Variants in ADGRL2 observed in about 807,000 individuals in gnomAD.
The protein encoded by ADGRL2 is adhesion G protein-coupled receptor L2.
In ADGRL2, 44 loss-of-function variants were observed where a neutral mutation model predicts 157.4. The observed-to-expected ratio is 0.28, with a 90% CI of 0.22 to 0.36. The LOEUF (loss-of-function observed/expected upper bound fraction) is 0.36, where lower values mean the gene tolerates loss of function less well. Among genes scored for constraint, ADGRL2 ranks in the 10% least tolerant of loss-of-function variants. The pLI is 1.00. For missense variants in ADGRL2, 1,510 were observed against 1,768.9 expected (o/e 0.85, Z 2.63); for synonymous variants, 585 against 624.7 (o/e 0.94, Z 0.95).
At chr1:81,439,687 G>A (rs959325448) in intron 1 of ADGRL2, among the ~76,000 whole-genome samples, 1 of 152,232 alleles carries the variant, frequency 6.6e-6, no homozygotes, top group Non-Finnish European at 1.5e-5. Flanking sequence ...AAGCCCCAGA[G>A]GAGGTTTTAC....
intron 2 of ADGRL2, among the ~76,000 whole-genome samples, chr1:81,880,585 G>A (rs562229109): frequency 6.6e-6 from 1 of 152,212 alleles, no homozygotes; most frequent in East Asian, 1.9e-4. Flanking sequence ...TCCCTTTACA[G>A]TTGAATTCGA....
chr1:81,724,460 G>A (rs1296218425), intron 1 of ADGRL2, among the ~76,000 whole-genome samples: 1 of 152,114 alleles, frequency 6.6e-6, no homozygotes, highest in Admixed American at 6.5e-5. Context: ...TGGAGTTGTT[G>A]AGACTATGAA....
At chr1:81,739,152 C>T (rs2084993699) in intron 1 of ADGRL2, among the ~76,000 whole-genome samples, 1 of 152,196 alleles carries the variant, frequency 6.6e-6, no homozygotes, top group African/African-American at 2.4e-5. Flanking sequence ...CAACTTTAGA[C>T]AAGAGTTGAA....
At chr1:81,921,561 A>G (rs1243895900) in intron 3 of ADGRL2, among the ~76,000 whole-genome samples, 1 of 152,196 alleles carries the variant, frequency 6.6e-6, no homozygotes, top group African/African-American at 2.4e-5. Flanking sequence ...GCTTCACAGC[A>G]CACGGCCCTC....
chr1:81,770,899 C>G (rs922592637), intron 2 of ADGRL2, among the ~76,000 whole-genome samples: 3 of 152,172 alleles, frequency 2.0e-5, no homozygotes, highest in African/African-American at 4.8e-5. Context: ...GAATTTGTTT[C>G]CATACATAGA....
At chr1:81,602,790 C>CG (rs538501193) in intron 3 of ADGRL2, among the ~76,000 whole-genome samples, 100 of 147,516 alleles carry the variant, frequency 6.8e-4, no homozygotes, top group African/African-American at 2.3e-3. Context: ...CCCAGCTACT[C>CG]GGGGGGCTGA....
At chr1:81,901,166 A>G (rs535640340) in intron 2 of ADGRL2, among the ~76,000 whole-genome samples, 84 of 152,310 alleles carry the variant, frequency 5.5e-4, no homozygotes, top group Admixed American at 1.1e-3. Flanking sequence ...TGATCCATAA[A>G]ATAGAAATTG....
chr1:81,431,582 A>G (rs2077321765), intron 1 of ADGRL2, among the ~76,000 whole-genome samples: 1 of 152,226 alleles, frequency 6.6e-6, no homozygotes, highest in African/African-American at 2.4e-5. Context: ...TTAAAATGCA[A>G]AACCACATTC....
rs114709236 is a variant in ADGRL2, at chr1:81,638,249, A to G, written c.-143+57269A>G. On this transcript the variant is annotated intron_variant, in intron 3 of 24. Transcript: ENST00000370721. ...CTTTGGCAAACAATAATAGAAGGAA[A>G]TTGTTACCATTAGACCTGCCTTGCA... 5.8e-3 allele frequency among the ~76,000 whole-genome samples: 889 copies of G among 152,334 alleles called. 8 individuals are homozygous for G. The highest frequency in any genetic ancestry group is 0.02 in the African/African-American group (818 of 41,574).
chr1:81,476,325 GTCTAAGTAAAGCTGCAAAAATA>G (rs1238932268), intron 2 of ADGRL2, among the ~76,000 whole-genome samples: 1 of 152,134 alleles, frequency 6.6e-6, no homozygotes, highest in Non-Finnish European at 1.5e-5. Flanking sequence ...TGGTGAGGTA[GTCTAAGTAAAGCTGCAAAAATA>G]TCTAAGTAAA....
intron 1 of ADGRL2, among the ~76,000 whole-genome samples, 82 bp downstream of exon 1, chr1:81,801,150 A>G (rs2088026700): frequency 1.3e-5 from 2 of 152,156 alleles, no homozygotes; most frequent in African/African-American, 4.8e-5. Context: ...GAAAACGGCC[A>G]TTGGGCGACA....
Position 81,943,839 on chromosome 1 carries a change from AT to A in ADGRL2, c.1210+79del, listed in dbSNP as rs895288478. 8.4e-5 allele frequency: 105 copies of A among 1,246,088 alleles called. No homozygotes were observed. Among genetic ancestry groups the A allele is most frequent in the African/African-American group, 1.4e-4 (9 of 65,748 alleles). The allele number at this position is 1,246,088 out of a possible 1,614,324, so 77.2% of individuals were successfully genotyped here. ...CATTTTTCTTTTTAAAGACTTCTTA[AT>A]TTTTTTTTCCTATTTTCTTCCCCTT... is the stretch of plus-strand genomic sequence containing the variant. On this transcript the variant is annotated intron_variant, in intron 6 of 23. Coordinates refer to ENST00000686636, the MANE Select transcript of ADGRL2 (RefSeq NM_001366006.2). The surrounding 1 kb of genome is among the most constrained non-coding windows in gnomAD (Gnocchi z 5.6).
chr1:81,544,703 T>A (rs866384267), intron 2 of ADGRL2, among the ~76,000 whole-genome samples: 1 of 152,164 alleles, frequency 6.6e-6, no homozygotes, highest in Non-Finnish European at 1.5e-5. Flanking sequence ...CTGCCAGTAA[T>A]CCTACAGGGG....
chr1:81,940,921 G>T (rs1299158299), intron 4 of ADGRL2, among the ~76,000 whole-genome samples: 1 of 131,724 alleles, frequency 7.6e-6, no homozygotes, highest in African/African-American at 2.9e-5. Context: ...TCTGTTTCTT[G>T]AAACTGTAGG....
chr1:81,966,309 A>C lies in ADGRL2; in HGVS notation c.2144-95A>C, dbSNP rs1446064100. On this transcript the variant is annotated intron_variant, in intron 12 of 23. Transcript: ENST00000686636. Reference sequence around the variant, plus strand: ...TACCATTTAAAAGCAGATATAAAACAGTGCCTTAGGACTTCATCATTTTAT... The same window carrying C: ...TACCATTTAAAAGCAGATATAAAACCGTGCCTTAGGACTTCATCATTTTAT... 9 of 1,508,500 alleles carry C rather than the reference A, an allele frequency of 6.0e-6. No individual in the cohort carries two copies. The Admixed American group carries it at 1.4e-4, about 24-fold the overall frequency. 93.4% of individuals were successfully genotyped at this position (1,508,500 alleles called of 1,614,324 possible).
intron 1 of ADGRL2, among the ~76,000 whole-genome samples, chr1:81,385,877 A>G (rs1056963017): frequency 1.3e-5 from 2 of 152,132 alleles, no homozygotes; most frequent in African/African-American, 4.8e-5. Context: ...ACTCAAGAAG[A>G]TCCCTGAAAT....
At chr1:81,897,226 A>G (rs1220996007) in intron 2 of ADGRL2, among the ~76,000 whole-genome samples, 4 of 152,128 alleles carry the variant, frequency 2.6e-5, no homozygotes, top group Non-Finnish European at 5.9e-5. Context: ...TCCTGTGCGG[A>G]GGAGATAGTT....
intron 19 of ADGRL2, among the ~76,000 whole-genome samples, chr1:81,982,456 G>GT (rs1267323820): frequency 6.6e-6 from 1 of 151,952 alleles, no homozygotes; most frequent in Non-Finnish European, 1.5e-5. Flanking sequence ...CTTACTTACT[G>GT]TTTTTTCCTG....
rs1173308987 is a variant in ADGRL2, at chr1:81,328,519, C to A, written c.-302+22010C>A. ...TTGATTAGGTCTCTTTTTTCTGTCT[C>A]TACCCTACCCCAGTAATAGTATCTT... On this transcript the variant is annotated intron_variant, in intron 1 of 24. Transcript: ENST00000370721. Among the ~76,000 whole-genome samples the A allele has an allele frequency of 6.6e-5, 10 of 152,080 alleles. 1 individual carries two copies. The highest frequency in any genetic ancestry group is 1.5e-4 in the Non-Finnish European group (10 of 68,006).
Sources: gnomAD v4.1 joint callset for allele counts (sites outside exome capture counted in the v4.1 genomes callset) on GRCh38, gnomAD v4.1.1 for gene constraint, Gnocchi (gnomAD v3.1) non-coding constraint, MANE v1.5 for transcripts, NCBI Gene and HGNC (gene_info 2026-07-23, HGNC 2026-07-21) for gene names.